Variants in CAAP1 observed in about 807,000 individuals in gnomAD.
CAAP1 encodes the protein conserved anti-apoptotic protein.
CAAP1 carries 20 observed loss-of-function variants against 34.0 expected under a neutral mutation model. The observed-to-expected ratio is 0.59, with a 90% CI of 0.41 to 0.86. The LOEUF is 0.86. Among genes scored for constraint, CAAP1 ranks in the 40% least tolerant of loss-of-function variants. The pLI, the probability that CAAP1 is intolerant of heterozygous loss-of-function variation, is 0.00. For synonymous variants in CAAP1, 213 were observed against 166.7 expected (o/e 1.28, Z -2.14); for missense variants, 538 against 450.5 (o/e 1.19, Z -1.76).
At position 26,892,722 on chromosome 9, in the gene CAAP1, T is replaced by G. The variant is rs1185421300; in HGVS notation, c.-7A>C. The stretch of plus-strand genomic sequence containing the variant: ...AGGACTTTTTCCCCGTCATGATCCC[T>G]CTGCTGCAACCATCGGAGGAAAGTC... On this transcript the variant is annotated 5_prime_UTR_variant, in exon 1 of 6. Coordinates refer to ENST00000333916, the MANE Select transcript of CAAP1 (RefSeq NM_024828.4). The G allele has an allele frequency of 1.9e-6, 3 of 1,578,622 alleles. No individual in the cohort carries two copies. The highest frequency in any genetic ancestry group is 2.6e-6 in the Non-Finnish European group (3 of 1,166,520).
At position 26,885,202 on chromosome 9, in the gene CAAP1, G is replaced by A. The variant is rs1217462242; in HGVS notation, c.590-317C>T. Among the ~76,000 whole-genome samples, 10 of 149,178 alleles carry A rather than the reference G, an allele frequency of 6.7e-5. No individual in the cohort carries two copies. In the East Asian group the frequency reaches 8.0e-4, roughly 12 times the overall value. The stretch of plus-strand genomic sequence containing the variant: ...AGCAATTCTCCTGCCTCAGCCTCCC[G>A]AGCAGCTGGGACTACAGGCGCCCGC... On this transcript the variant is annotated intron_variant, in intron 3 of 5. Coordinates refer to ENST00000333916, the MANE Select transcript of CAAP1 (RefSeq NM_024828.4).
In CAAP1 at chr9:26,892,237, C is replaced by A. The variant is rs1225520683; in HGVS notation, c.303+176G>T. On this transcript the variant is annotated intron_variant, in intron 1 of 5. Transcript: ENST00000333916. ...AACTTGAAGTTCAAGATTCAAGACA[C>A]GGATGGGAGTGTGGGGCTCACCAGG... is the stretch of plus-strand genomic sequence containing the variant. The A allele has an allele frequency of 1.5e-5, 22 of 1,458,384 alleles. No individual in the cohort carries two copies. In the Admixed American group the frequency reaches 5.9e-4, roughly 39 times the overall value. 90.3% of individuals were successfully genotyped at this position (1,458,384 alleles called of 1,614,324 possible). A position where few individuals can be genotyped will look rare whatever the true frequency, so the allele number is the denominator to read the frequency against.
intron 4 of CAAP1, 86 bp downstream of exon 4, chr9:26,884,724 G>A (rs553924278): frequency 3.4e-5 from 33 of 959,644 alleles, no homozygotes; most frequent in Non-Finnish European, 5.2e-5. Flanking sequence ...ATAAAACACA[G>A]AAAAACAATC....
chr9:26,883,530 T>G (rs1400005914), intron 4 of CAAP1, among the ~76,000 whole-genome samples: 1 of 152,118 alleles, frequency 6.6e-6, no homozygotes, highest in Non-Finnish European at 1.5e-5. Context: ...CTTCTAACAG[T>G]TGAAAAGGTA....
At chr9:26,848,878 G>A (rs1822678131) in intron 5 of CAAP1, among the ~76,000 whole-genome samples, 1 of 152,056 alleles carries the variant, frequency 6.6e-6, no homozygotes, top group Admixed American at 6.5e-5. Context: ...TCACAACTAT[G>A]GCTCACTGAA....
Position 26,892,480 on chromosome 9 carries a change from A to ACGCTGCTCCCGCCCCAACAGCTGC in CAAP1, c.212_235dup (p.Gly71_Ser78dup), listed in dbSNP as rs771671323. 10 of 1,560,252 alleles carry ACGCTGCTCCCGCCCCAACAGCTGC rather than the reference A, an allele frequency of 6.4e-6. No individual in the cohort carries two copies. The highest frequency in any genetic ancestry group is 2.7e-5 in the African/African-American group (2 of 73,400). ...CCGCTTCCGGCGCTCGCTGCGCTCC[A>ACGCTGCTCCCGCCCCAACAGCTGC]CGCTGCTCCCGCCCCAACAGCTGCC... On this transcript the variant is annotated inframe_insertion, in exon 1 of 6. Coordinates refer to ENST00000333916, the MANE Select transcript of CAAP1 (RefSeq NM_024828.4).
At position 26,842,438 on chromosome 9, in the gene CAAP1, T is replaced by C. The variant is rs370391525; in HGVS notation, c.949A>G (p.Lys317Glu). Residue 317 changes from lysine (K) to glutamate (E), a missense_variant, in exon 6 of 6, where the codon AAA becomes GAA. Physicochemically the swap from Lys to Glu is moderately conservative, Grantham distance 56. This residue lies in a region of CAAP1 where 514 missense variants were observed against 408.4 expected (regional missense o/e 1.26). Coordinates refer to ENST00000333916, the MANE Select transcript of CAAP1 (RefSeq NM_024828.4). The part of the protein sequence containing the change: ...GLAESSPNEP[K>E]AATLAVPPPE... The stretch of plus-strand genomic sequence containing the variant: ...GGAGGAACAGCCAGGGTGGCTGCTT[T>C]GGGTTCGTTTGGGCTAGACTCTGCC... The C allele has an allele frequency of 1.2e-4, 195 of 1,614,054 alleles. No homozygotes were observed. Among genetic ancestry groups the C allele is most frequent in the Middle Eastern group, 1.6e-4 (1 of 6,082 alleles).
chr9:26,868,191 C>A (rs1220836502), intron 4 of CAAP1, among the ~76,000 whole-genome samples: 1 of 152,144 alleles, frequency 6.6e-6, no homozygotes, highest in Non-Finnish European at 1.5e-5. Flanking sequence ...TTCCCCAGAA[C>A]TAGTGAATGT....
At chr9:26,879,369 T>C (rs962955772) in intron 4 of CAAP1, among the ~76,000 whole-genome samples, 1 of 152,238 alleles carries the variant, frequency 6.6e-6, no homozygotes, top group Non-Finnish European at 1.5e-5. Flanking sequence ...CTGACTTGCA[T>C]TAATGCTTTA....
chr9:26,860,301 C>T (rs558004888), intron 5 of CAAP1, among the ~76,000 whole-genome samples: 12 of 152,166 alleles, frequency 7.9e-5, no homozygotes, highest in Non-Finnish European at 1.5e-4. Flanking sequence ...AAAATTACCA[C>T]TTTATTTCTG....
chr9:26,884,448 C>T (rs938118427), intron 4 of CAAP1, among the ~76,000 whole-genome samples: 4 of 152,086 alleles, frequency 2.6e-5, no homozygotes, highest in African/African-American at 9.7e-5. Context: ...GTAATGAGAT[C>T]AAGTGTTCTA....
At position 26,887,300 on chromosome 9, in the gene CAAP1, T is replaced by C. The variant is rs77981818; in HGVS notation, c.504+13A>G. ...TTCTACATATGTATCTAGTCTGATG[T>C]GTAATGAAGTACCTTTAACACATCA... On this transcript the variant is annotated intron_variant, in intron 2 of 5. Transcript: ENST00000333916. 58,206 of 1,517,340 alleles carry C rather than the reference T, an allele frequency of 0.038. 1,317 individuals carry two copies. Among genetic ancestry groups the C allele is most frequent in the Non-Finnish European group, 0.041 (45,970 of 1,118,794 alleles). 94.0% of individuals were successfully genotyped at this position (1,517,340 alleles called of 1,614,324 possible). A position where few individuals can be genotyped will look rare whatever the true frequency, so the allele number is the denominator to read the frequency against.
chr9:26,888,086 C>A (rs1016869764), intron 1 of CAAP1, among the ~76,000 whole-genome samples: 1 of 152,190 alleles, frequency 6.6e-6, no homozygotes, highest in Non-Finnish European at 1.5e-5. Context: ...TAATTCTGTT[C>A]CAAACTACCA....
chr9:26,863,233 G>A (rs1823045457), intron 4 of CAAP1, among the ~76,000 whole-genome samples: 1 of 152,014 alleles, frequency 6.6e-6, no homozygotes, highest in Non-Finnish European at 1.5e-5. Context: ...GGTTCTATTA[G>A]GCTGTTGAAG....
chr9:26,888,122 T>C (rs932933082), intron 1 of CAAP1, among the ~76,000 whole-genome samples: 2 of 152,210 alleles, frequency 1.3e-5, no homozygotes, highest in African/African-American at 4.8e-5. Context: ...GTTACACCAA[T>C]AGCCATTTAA....
At chr9:26,857,496 G>C (rs1822899158) in intron 5 of CAAP1, among the ~76,000 whole-genome samples, 1 of 152,182 alleles carries the variant, frequency 6.6e-6, no homozygotes, top group Non-Finnish European at 1.5e-5. Flanking sequence ...GCCGGGTGTG[G>C]TAGTGGGCAT....
chr9:26,865,288 G>A (rs1398437084), intron 4 of CAAP1, among the ~76,000 whole-genome samples: 2 of 152,138 alleles, frequency 1.3e-5, no homozygotes, highest in Non-Finnish European at 2.9e-5. Flanking sequence ...ACTTTGGGAG[G>A]CCAAGGTAGG....
chr9:26,853,608 C>T (rs1192676164), intron 5 of CAAP1, among the ~76,000 whole-genome samples: 1 of 152,078 alleles, frequency 6.6e-6, no homozygotes, highest in African/African-American at 2.4e-5. Flanking sequence ...CTGTCAAATG[C>T]CGCTGATGGG....
Position 26,892,706 on chromosome 9 carries a change from T to C in CAAP1, c.10A>G (p.Lys4Glu). The change falls in exon 1 of 6, where the codon AAA becomes GAA. Residue 4 changes from lysine to glutamate, a missense_variant. Lys to Glu is a moderately conservative substitution (Grantham distance 56). This residue lies in a region of CAAP1 where 514 missense variants were observed against 408.4 expected (regional missense o/e 1.26). Coordinates refer to ENST00000333916, the MANE Select transcript of CAAP1 (RefSeq NM_024828.4). ...CGCCGTTTCTCCCGGGAGGACTTTT[T>C]CCCCGTCATGATCCCTCTGCTGCAA... is the stretch of plus-strand genomic sequence containing the variant. MTG[K>E]KSSREKRRKR... 6.3e-7 allele frequency: 1 copy of C among 1,595,682 alleles called. No homozygotes were observed. Among genetic ancestry groups the C allele is most frequent in the Non-Finnish European group, 8.5e-7 (1 of 1,175,256 alleles).
Sources: allele counts gnomAD v4.1 joint callset (sites outside exome capture counted in the v4.1 genomes callset), GRCh38; gene constraint gnomAD v4.1.1; regional missense constraint gnomAD v4.1.1; transcripts MANE v1.5; gene names NCBI Gene and HGNC (gene_info 2026-07-23, HGNC 2026-07-21).